The following DPP10 variants were observed in gnomAD, a reference collection of about 807,000 sequenced individuals.
The protein encoded by DPP10 is dipeptidyl peptidase like 10.
A neutral mutation model predicts 120.9 loss-of-function variants in DPP10; 33 were observed. The ratio of observed to expected loss-of-function variants is 0.27; its 90% confidence interval spans 0.21 to 0.37. DPP10 has a LOEUF of 0.37. Among genes scored for constraint, DPP10 ranks in the 10% least tolerant of loss-of-function variants. The pLI is 1.00. For missense variants in DPP10, 816 were observed against 942.8 expected (o/e 0.87, Z 1.76); for synonymous variants, 337 against 326.1 (o/e 1.03, Z -0.36).
At chr2:114,792,864 T>C (rs1386921637) in intron 1 of DPP10, among the ~76,000 whole-genome samples, 1 of 152,172 alleles carries the variant, frequency 6.6e-6, no homozygotes, top group Non-Finnish European at 1.5e-5. Flanking sequence ...TTCTTTGGAC[T>C]TCATTCCATG....
chr2:115,477,501 A>G (rs1224639885), intron 3 of DPP10, among the ~76,000 whole-genome samples: 2 of 152,196 alleles, frequency 1.3e-5, no homozygotes, highest in Non-Finnish European at 2.9e-5. Context: ...CCTGGAAAAA[A>G]AAGATATATA....
intron 1 of DPP10, among the ~76,000 whole-genome samples, chr2:114,474,077 C>G (rs888778308): frequency 9.9e-5 from 15 of 152,162 alleles, no homozygotes; most frequent in African/African-American, 3.4e-4. Flanking sequence ...CCCGCCTCAG[C>G]CTCCCGAGTA....
At chr2:114,838,342 G>C (rs1687898270) in intron 1 of DPP10, among the ~76,000 whole-genome samples, 1 of 151,992 alleles carries the variant, frequency 6.6e-6, no homozygotes, top group Non-Finnish European at 1.5e-5. Flanking sequence ...TTTTGAGATA[G>C]AGTCTTCCTC....
chr2:114,745,849 G>A (rs1348633468), intron 1 of DPP10, among the ~76,000 whole-genome samples: 1 of 152,234 alleles, frequency 6.6e-6, no homozygotes, highest in Non-Finnish European at 1.5e-5. Context: ...AACTGGCCGT[G>A]TGAGCCTCTG....
At chr2:115,671,956 T>G (rs2089910895) in intron 5 of DPP10, among the ~76,000 whole-genome samples, 1 of 152,134 alleles carries the variant, frequency 6.6e-6, no homozygotes, top group Non-Finnish European at 1.5e-5. Flanking sequence ...AACAATATAT[T>G]TTATTATGTG....
chr2:115,160,117 C>A (rs1273861684), intron 1 of DPP10, among the ~76,000 whole-genome samples: 1 of 152,126 alleles, frequency 6.6e-6, no homozygotes, highest in Admixed American at 6.5e-5. Flanking sequence ...GATAAGCTGC[C>A]CAATAGCTAT....
At chr2:114,614,577 C>T (rs1022724933) in intron 1 of DPP10, among the ~76,000 whole-genome samples, 17 of 152,142 alleles carry the variant, frequency 1.1e-4, no homozygotes, top group African/African-American at 3.6e-4. Flanking sequence ...GACTGCTTTG[C>T]AGTTCAATAG....
chr2:115,001,675 A>T (rs555680425), intron 1 of DPP10, among the ~76,000 whole-genome samples: 1 of 152,286 alleles, frequency 6.6e-6, no homozygotes, highest in South Asian at 2.1e-4. Context: ...CTTTGCTCTG[A>T]TAAACAACTT....
chr2:115,369,759 G>C (rs2065289819), intron 3 of DPP10, among the ~76,000 whole-genome samples: 1 of 152,116 alleles, frequency 6.6e-6, no homozygotes, highest in Non-Finnish European at 1.5e-5. Context: ...GGCAACAATA[G>C]TCTTCACAGT....
intron 1 of DPP10, among the ~76,000 whole-genome samples, chr2:115,159,949 C>G (rs910524167): frequency 6.6e-6 from 1 of 152,100 alleles, no homozygotes; most frequent in East Asian, 1.9e-4. Flanking sequence ...TCAACTCAAG[C>G]AGATTGTCCG....
At chr2:115,316,829 G>A (rs1156628757) in intron 2 of DPP10, among the ~76,000 whole-genome samples, 1 of 152,124 alleles carries the variant, frequency 6.6e-6, no homozygotes, top group Non-Finnish European at 1.5e-5. Flanking sequence ...GAGTTATGGT[G>A]GGGTTTGGTG....
chr2:114,885,283 G>C (rs1005598800), intron 1 of DPP10, among the ~76,000 whole-genome samples: 17 of 152,088 alleles, frequency 1.1e-4, no homozygotes, highest in Admixed American at 6.5e-5. Context: ...GTGTGGAGGC[G>C]CAGGTGCCGC....
intron 1 of DPP10, among the ~76,000 whole-genome samples, chr2:114,455,821 AT>A (rs1678553869): frequency 6.6e-6 from 1 of 150,790 alleles, no homozygotes; most frequent in African/African-American, 2.4e-5. Context: ...TGTATTCAGT[AT>A]TTCTTCTAAT....
At chr2:115,245,487 G>C (rs1394846514) in intron 1 of DPP10, among the ~76,000 whole-genome samples, 1 of 152,036 alleles carries the variant, frequency 6.6e-6, no homozygotes, top group Admixed American at 6.6e-5. Context: ...AATAGATATT[G>C]GCATGGATGT....
At chr2:115,295,455 T>C (rs147863981) in intron 1 of DPP10, among the ~76,000 whole-genome samples, 1 of 152,232 alleles carries the variant, frequency 6.6e-6, no homozygotes, top group African/African-American at 2.4e-5. Flanking sequence ...CTGAATTGCA[T>C]AGTATATATG....
intron 21 of DPP10, among the ~76,000 whole-genome samples, chr2:115,816,619 G>GTTTTTTTTTTT: frequency 9.6e-6 from 1 of 103,722 alleles, no homozygotes; most frequent in Non-Finnish European, 2.0e-5. Flanking sequence ...TTTTTGTTTT[G>GTTTTTTTTTTT]TTTTTTTTTT....
chr2:115,143,108 C>T (rs1256269891), intron 1 of DPP10, among the ~76,000 whole-genome samples: 1 of 152,140 alleles, frequency 6.6e-6, no homozygotes, highest in Non-Finnish European at 1.5e-5. Context: ...ATTGATCTCC[C>T]AGCTAGATTC....
chr2:115,033,893 C>CTTTTTCT (rs1704030421), intron 1 of DPP10, among the ~76,000 whole-genome samples: 13 of 89,860 alleles, frequency 1.4e-4, no homozygotes, highest in African/African-American at 5.3e-4. Flanking sequence ...TTTTCTTTTT[C>CTTTTTCT]TTTTTTTTTT....
intron 1 of DPP10, among the ~76,000 whole-genome samples, chr2:114,495,893 C>T (rs1402003447): frequency 1.3e-5 from 2 of 152,198 alleles, no homozygotes; most frequent in African/African-American, 4.8e-5. Flanking sequence ...AGACATTACA[C>T]ACACACAGAA....
Sources: allele counts gnomAD v4.1 joint callset (sites outside exome capture counted in the v4.1 genomes callset), GRCh38; gene constraint gnomAD v4.1.1; transcripts MANE v1.5; gene names NCBI Gene and HGNC (gene_info 2026-07-23, HGNC 2026-07-21).